Variants in RIN2 observed in about 807,000 individuals in gnomAD.
RIN2 encodes the protein RAB5 interacting protein 2.
RIN2 carries 36 observed loss-of-function variants against 78.0 expected under a neutral mutation model. The observed-to-expected ratio is 0.46, with a 90% CI of 0.35 to 0.61. The LOEUF is 0.61. Ranked by LOEUF, RIN2 falls within the 20% of genes least tolerant of loss-of-function variation. The probability of loss-of-function intolerance (pLI) is 0.00; values close to 1 mark genes in which losing one functional copy is unlikely to be tolerated. For missense variants in RIN2, 1,087 were observed against 1,159.7 expected, an observed-to-expected ratio of 0.94 and a Z score of 0.91; for synonymous variants, 466 against 466.8, an observed-to-expected ratio of 1.00 and a Z score of 0.02.
intron 3 of RIN2, among the ~76,000 whole-genome samples, chr20:19,925,810 C>T (rs559464788): frequency 3.3e-5 from 5 of 152,292 alleles, no homozygotes; most frequent in African/African-American, 9.6e-5. Context: ...ACCCGGGGAG[C>T]AATGTGGCAC....
At chr20:19,836,043 T>C (rs1356152395) in intron 2 of RIN2, among the ~76,000 whole-genome samples, 2 of 152,182 alleles carry the variant, frequency 1.3e-5, no homozygotes, top group Admixed American at 6.6e-5. Flanking sequence ...ACCAGATAAG[T>C]CGCCCTGTTC....
At chr20:19,875,856 G>T (rs897524763) in intron 2 of RIN2, among the ~76,000 whole-genome samples, 3 of 152,198 alleles carry the variant, frequency 2.0e-5, no homozygotes, top group Non-Finnish European at 4.4e-5. Flanking sequence ...AAGCCATTAG[G>T]GTCGGCGCAG....
chr20:19,987,098 A>G (rs1357570952), intron 9 of RIN2, among the ~76,000 whole-genome samples: 2 of 152,208 alleles, frequency 1.3e-5, no homozygotes, highest in East Asian at 3.9e-4. Context: ...AGATGCATCC[A>G]TGTTGTTCTG....
intron 7 of RIN2, among the ~76,000 whole-genome samples, chr20:19,968,362 AT>A (rs1345128913): frequency 6.6e-6 from 1 of 152,224 alleles, no homozygotes; most frequent in Non-Finnish European, 1.5e-5. Flanking sequence ...TATATCTAAG[AT>A]GATGGCTTTT....
At chr20:19,838,534 CT>C (rs2036487714) in intron 2 of RIN2, among the ~76,000 whole-genome samples, 1 of 152,134 alleles carries the variant, frequency 6.6e-6, no homozygotes. Flanking sequence ...ATTGGGTCCA[CT>C]TTTTGGCTAT....
chr20:19,831,355 T>A (rs976149709), intron 2 of RIN2, among the ~76,000 whole-genome samples: 2 of 152,180 alleles, frequency 1.3e-5, no homozygotes, highest in Non-Finnish European at 2.9e-5. Flanking sequence ...GACATCCAAG[T>A]TTTTCTTTTA....
chr20:19,763,679 T>C (rs1349707800), intron 1 of RIN2, among the ~76,000 whole-genome samples: 3 of 152,236 alleles, frequency 2.0e-5, no homozygotes, highest in Non-Finnish European at 2.9e-5. Flanking sequence ...GCTGTGGGTA[T>C]TCCAGCCTGT....
chr20:19,946,689 G>A (rs1380777009), intron 4 of RIN2, among the ~76,000 whole-genome samples: 2 of 149,260 alleles, frequency 1.3e-5, no homozygotes, highest in Non-Finnish European at 1.5e-5. Context: ...CTCCAGCCCT[G>A]GGTGACAGAG....
chr20:19,954,693 G>GCCCCGTGTCCCTGAC (rs1454300966), intron 4 of RIN2, among the ~76,000 whole-genome samples: 2 of 100,870 alleles, frequency 2.0e-5, no homozygotes, highest in African/African-American at 6.1e-5. Flanking sequence ...GATACAAACT[G>GCCCCGTGTCCCTGAC]CCCTGTGCCC....
At chr20:19,907,271 G>A (rs1339690098) in intron 3 of RIN2, among the ~76,000 whole-genome samples, 1 of 152,180 alleles carries the variant, frequency 6.6e-6, no homozygotes, top group Non-Finnish European at 1.5e-5. Context: ...CCTCCTAAAA[G>A]CCCCACCTCT....
At chr20:19,833,931 C>T (rs68119465) in intron 2 of RIN2, among the ~76,000 whole-genome samples, 4,636 of 152,254 alleles carry the variant, frequency 0.03, 108 homozygotes, top group South Asian at 0.096. Flanking sequence ...TCCCCTGCCC[C>T]CTCCTGCTTG....
chr20:19,958,593 G>T (rs1299073386), intron 5 of RIN2, among the ~76,000 whole-genome samples: 1 of 152,244 alleles, frequency 6.6e-6, no homozygotes, highest in Admixed American at 6.5e-5. Context: ...GAGAGGCCAG[G>T]CATGGTGGCT....
chr20:19,947,029 A>G (rs2041125422), intron 4 of RIN2, among the ~76,000 whole-genome samples: 1 of 151,990 alleles, frequency 6.6e-6, no homozygotes, highest in South Asian at 2.1e-4. Flanking sequence ...TCTTAAAAAA[A>G]AAAAAAAAAA....
At chr20:19,825,018 CAT>C (rs2036044470) in intron 2 of RIN2, among the ~76,000 whole-genome samples, 1 of 152,204 alleles carries the variant, frequency 6.6e-6, no homozygotes, top group African/African-American at 2.4e-5. Context: ...GGCACCAAAG[CAT>C]AACAGTCAGC....
At chr20:19,961,139 C>T (rs1187188107) in intron 6 of RIN2, among the ~76,000 whole-genome samples, 3 of 152,190 alleles carry the variant, frequency 2.0e-5, no homozygotes, top group African/African-American at 7.2e-5. Context: ...CCAGGTTTGC[C>T]AGTGACTAAG....
chr20:19,954,593 C>T (rs73128113), intron 4 of RIN2, among the ~76,000 whole-genome samples: 5,410 of 152,242 alleles, frequency 0.036, 126 homozygotes, highest in Non-Finnish European at 0.044. Context: ...TCTGTAAAAC[C>T]GGGATCATGG....
At chr20:19,844,570 A>G (rs1350617652) in intron 2 of RIN2, among the ~76,000 whole-genome samples, 1 of 150,642 alleles carries the variant, frequency 6.6e-6, no homozygotes, top group Non-Finnish European at 1.5e-5. Context: ...ATGGCCAACT[A>G]GAGAGCTGCT....
At chr20:19,933,238 T>A (rs375465835) in intron 3 of RIN2, among the ~76,000 whole-genome samples, 5 of 152,314 alleles carry the variant, frequency 3.3e-5, no homozygotes, top group African/African-American at 9.6e-5. Flanking sequence ...ATGGTTCTTA[T>A]CATGGAAGAC....
At chr20:19,910,397 T>G (rs1322813876) in intron 3 of RIN2, among the ~76,000 whole-genome samples, 1 of 123,074 alleles carries the variant, frequency 8.1e-6, no homozygotes, top group African/African-American at 2.9e-5. Flanking sequence ...GGTCTCGAAC[T>G]CCTCACCTCA....
Sources: gnomAD v4.1 joint callset for allele counts (sites outside exome capture counted in the v4.1 genomes callset) on GRCh38, gnomAD v4.1.1 for gene constraint, MANE v1.5 for transcripts, NCBI Gene and HGNC (gene_info 2026-07-23, HGNC 2026-07-21) for gene names.